Variants in RAB40C observed in about 807,000 individuals in gnomAD.
The protein encoded by RAB40C is RAB40C, member RAS oncogene family.
Under a neutral mutation model 28.1 loss-of-function variants are expected in RAB40C, and 8 were observed. The observed-to-expected ratio is 0.28, with a 90% CI of 0.17 to 0.51. The LOEUF is 0.51. RAB40C is among the 20% of genes least tolerant of loss of function. The probability of loss-of-function intolerance (pLI) is 0.97; values close to 1 mark genes in which losing one functional copy is unlikely to be tolerated. For missense variants in RAB40C, 288 were observed against 405.9 expected, an observed-to-expected ratio of 0.71 and a Z score of 2.50; for synonymous variants, 201 against 171.7, an observed-to-expected ratio of 1.17 and a Z score of -1.34.
At chr16:596,803 C>T (rs1235559291) in intron 1 of RAB40C, among the ~76,000 whole-genome samples, 2 of 152,214 alleles carry the variant, frequency 1.3e-5, no homozygotes, top group Admixed American at 6.5e-5. Flanking sequence ...CTCTTCAGTC[C>T]TCTTGGCAGT....
At chr16:627,105 C>T (rs916330147) in intron 5 of RAB40C, among the ~76,000 whole-genome samples, 1 of 152,214 alleles carries the variant, frequency 6.6e-6, no homozygotes. Context: ...CTGGAAGCCC[C>T]GCAGCAGCAC....
intron 3 of RAB40C, chr16:624,646 A>G: frequency 1.0e-6 from 1 of 985,446 alleles, no homozygotes; most frequent in African/African-American, 1.7e-5. Flanking sequence ...CATTACGTGA[A>G]GGTTTTGTCA....
chr16:595,603 C>CTTT (rs746491567), intron 1 of RAB40C, among the ~76,000 whole-genome samples: 1 of 138,836 alleles, frequency 7.2e-6, no homozygotes, highest in Non-Finnish European at 1.6e-5. Flanking sequence ...CTTTTTTCTT[C>CTTT]TTTTTTTTTT....
chr16:603,781 C>T (rs894401511), intron 1 of RAB40C, among the ~76,000 whole-genome samples: 1 of 149,448 alleles, frequency 6.7e-6, no homozygotes, highest in Non-Finnish European at 1.5e-5. Context: ...AGTCAGCCCC[C>T]AGCCCCCAGC....
intron 1 of RAB40C, among the ~76,000 whole-genome samples, chr16:608,596 A>T (rs928079487): frequency 3.3e-5 from 5 of 152,198 alleles, no homozygotes; most frequent in Admixed American, 3.3e-4. Context: ...TCGGCTGGCC[A>T]TGGTGGCTCA....
chr16:596,381 C>A (rs986566133), intron 1 of RAB40C: 11 of 455,264 alleles, frequency 2.4e-5, no homozygotes, highest in Non-Finnish European at 4.9e-5. Flanking sequence ...TGGTCTGGAG[C>A]CCCTGCGAGC....
At chr16:594,383 G>A (rs974173877) in intron 1 of RAB40C, among the ~76,000 whole-genome samples, 14 of 152,176 alleles carry the variant, frequency 9.2e-5, no homozygotes, top group African/African-American at 1.9e-4. Context: ...CTAACATCAC[G>A]GTTTGCTGTG....
chr16:617,162 G>A (rs776109808), intron 1 of RAB40C, 46 bp from the exon 2 acceptor site: 21 of 1,602,530 alleles, frequency 1.3e-5, no homozygotes, highest in Admixed American at 5.0e-5. Flanking sequence ...GCGGGCGCTC[G>A]CTCCAGGAGT....
intron 3 of RAB40C, among the ~76,000 whole-genome samples, chr16:619,922 C>T (rs940924853): frequency 6.6e-6 from 1 of 152,222 alleles, no homozygotes; most frequent in Non-Finnish European, 1.5e-5. Flanking sequence ...CGGGCTGGGT[C>T]GCACCCTGTC....
At chr16:617,109 C>A (rs954155472) in intron 1 of RAB40C, 99 bp from the exon 2 acceptor site, 1 of 1,255,146 alleles carries the variant, frequency 8.0e-7, no homozygotes, top group Non-Finnish European at 1.2e-6. Context: ...TCCACTTCCG[C>A]GTGGGTCTTG....
At chr16:607,751 A>G (rs902315050) in intron 1 of RAB40C, among the ~76,000 whole-genome samples, 2 of 152,224 alleles carry the variant, frequency 1.3e-5, no homozygotes, top group South Asian at 4.1e-4. Flanking sequence ...AGATCGCGCC[A>G]CTGCACTCCA....
intron 3 of RAB40C, chr16:623,819 T>C (rs1452851584): frequency 3.0e-6 from 1 of 336,892 alleles, no homozygotes; most frequent in African/African-American, 2.2e-5. Context: ...ATGTGGTGGT[T>C]CACACCTGTA....
At chr16:597,006 G>A (rs4984900) in intron 1 of RAB40C, among the ~76,000 whole-genome samples, 33,977 of 152,076 alleles carry the variant, frequency 0.22, 4,614 homozygotes, top group East Asian at 0.58. Context: ...GAGGGACAAG[G>A]GCATTGGCGC....
intron 1 of RAB40C, among the ~76,000 whole-genome samples, chr16:607,041 G>T (rs1295199527): frequency 6.6e-6 from 1 of 152,190 alleles, no homozygotes; most frequent in Non-Finnish European, 1.5e-5. Context: ...GGTGGCCGAG[G>T]GTCCCACTTC....
chr16:598,763 G>T (rs983882638), intron 1 of RAB40C, among the ~76,000 whole-genome samples: 5 of 152,158 alleles, frequency 3.3e-5, no homozygotes, highest in Middle Eastern at 3.4e-3. Context: ...ATAAAGAAAA[G>T]AGGATGGAAG....
At chr16:618,307 C>T in intron 3 of RAB40C, 47 bp downstream of exon 3, 2 of 1,538,542 alleles carry the variant, frequency 1.3e-6, no homozygotes, top group Non-Finnish European at 1.8e-6. Context: ...GGATGTTTCT[C>T]CTGATTCTTT....
chr16:624,757 C>T (rs2036791764), intron 3 of RAB40C: 1 of 985,430 alleles, frequency 1.0e-6, no homozygotes, highest in African/African-American at 1.7e-5. Context: ...GGGAATGGGC[C>T]TGTGATGTCA....
At chr16:624,166 C>A (rs2036778733) in intron 3 of RAB40C, 1 of 985,444 alleles carries the variant, frequency 1.0e-6, no homozygotes, top group East Asian at 1.1e-4. Flanking sequence ...TCCTCAGTTA[C>A]TTCTGAGTTG....
rs1017926497 is a variant in RAB40C at position 618,083 on chromosome 16, C to T, written c.204-117C>T. On this transcript the variant is annotated intron_variant, in intron 2 of 5. Transcript: ENST00000248139. ...GCCGCTTAGCACAGCCTCATTGGCACCTGTCCTGGCCGCCCCGCTCCCCTC... is the reference window on the plus strand; with the variant it reads ...GCCGCTTAGCACAGCCTCATTGGCATCTGTCCTGGCCGCCCCGCTCCCCTC... The T allele has an allele frequency of 8.9e-6, 8 of 900,798 alleles. No homozygotes were observed. The African/African-American group carries it at 1.3e-4, about 15-fold the overall frequency. The allele number at this position is 900,798 out of a possible 1,614,324, so 55.8% of individuals were successfully genotyped here. A position where few individuals can be genotyped will look rare whatever the true frequency, so the allele number is the denominator to read the frequency against.
Sources: gnomAD v4.1 joint callset for allele counts (sites outside exome capture counted in the v4.1 genomes callset) on GRCh38, gnomAD v4.1.1 for gene constraint, MANE v1.5 for transcripts, NCBI Gene and HGNC (gene_info 2026-07-23, HGNC 2026-07-21) for gene names.